ARHGEF12: variants seen among roughly 807,000 people sequenced by gnomAD.
ARHGEF12 encodes the protein Rho guanine nucleotide exchange factor 12.
In ARHGEF12, 66 loss-of-function variants were observed where a neutral mutation model predicts 211.2. The ratio of observed to expected loss-of-function variants is 0.31; its 90% confidence interval spans 0.26 to 0.38. The LOEUF is 0.38. Ranked by LOEUF, ARHGEF12 falls within the 10% of genes least tolerant of loss-of-function variation. The pLI is 1.00. For missense variants in ARHGEF12, 1,429 were observed against 1,869.5 expected, an observed-to-expected ratio of 0.76 and a Z score of 4.34; for synonymous variants, 592 against 638.4, an observed-to-expected ratio of 0.93 and a Z score of 1.09.
intron 38 of ARHGEF12, 134 bp from the exon 39 acceptor site, chr11:120,481,126 G>A: frequency 1.2e-6 from 1 of 800,734 alleles, no homozygotes; most frequent in African/African-American, 1.7e-5. Flanking sequence ...TGATGTACCT[G>A]AAACTAAACT....
At chr11:120,371,642 G>A (rs893874774) in intron 1 of ARHGEF12, among the ~76,000 whole-genome samples, 2 of 152,170 alleles carry the variant, frequency 1.3e-5, no homozygotes, top group Admixed American at 1.3e-4. Context: ...AGTTAAAGAT[G>A]TTAAAAATAG....
intron 22 of ARHGEF12, among the ~76,000 whole-genome samples, chr11:120,456,515 A>G (rs1318946207): frequency 6.6e-6 from 1 of 152,228 alleles, no homozygotes; most frequent in Non-Finnish European, 1.5e-5. Context: ...AAGATAATAA[A>G]TCATGAAAAA....
intron 1 of ARHGEF12, among the ~76,000 whole-genome samples, chr11:120,382,737 T>A (rs887848376): frequency 2.0e-5 from 3 of 152,214 alleles, no homozygotes; most frequent in East Asian, 1.9e-4. Context: ...GAGCACCTTT[T>A]TATATGTGCA....
intron 1 of ARHGEF12, among the ~76,000 whole-genome samples, chr11:120,399,144 G>C (rs993143482): frequency 6.6e-6 from 1 of 151,092 alleles, no homozygotes; most frequent in African/African-American, 2.4e-5. Context: ...GCAAGACCTG[G>C]TCTCTACAAA....
intron 21 of ARHGEF12, 75 bp downstream of exon 21, chr11:120,449,289 T>G: frequency 8.3e-7 from 1 of 1,197,732 alleles, no homozygotes; most frequent in Non-Finnish European, 1.2e-6. Context: ...TCAGCTAGAA[T>G]GAATTTCTGG....
intron 20 of ARHGEF12, 45 bp downstream of exon 20, chr11:120,448,393 C>T: frequency 2.0e-6 from 3 of 1,472,914 alleles, no homozygotes; most frequent in African/African-American, 1.4e-5. Flanking sequence ...CTTAGGGCTT[C>T]TTTACATTTG....
intron 1 of ARHGEF12, among the ~76,000 whole-genome samples, chr11:120,389,119 C>T (rs1944131365): frequency 6.6e-6 from 1 of 152,154 alleles, no homozygotes; most frequent in Non-Finnish European, 1.5e-5. Flanking sequence ...AATCTGCCTG[C>T]CTCAGCCTCC....
chr11:120,475,600 A>C (rs1947005203), intron 33 of ARHGEF12, 93 bp downstream of exon 33: 7 of 1,304,016 alleles, frequency 5.4e-6, no homozygotes. Context: ...AGTGGCATAG[A>C]GTCTTGCTAT....
At chr11:120,468,414 A>T (rs1023997715) in intron 29 of ARHGEF12, among the ~76,000 whole-genome samples, 6 of 152,194 alleles carry the variant, frequency 3.9e-5, no homozygotes, top group Non-Finnish European at 8.8e-5. Context: ...TATAGACATG[A>T]CATAGCCTCA....
chr11:120,414,088 A>G (rs1391513050), intron 4 of ARHGEF12, among the ~76,000 whole-genome samples: 2 of 152,184 alleles, frequency 1.3e-5, no homozygotes, highest in Non-Finnish European at 2.9e-5. Context: ...TAAGTGCCAC[A>G]TTGTAATAAC....
intron 12 of ARHGEF12, chr11:120,438,782 C>T (rs1014190022): frequency 1.3e-5 from 2 of 152,168 alleles, no homozygotes; most frequent in African/African-American, 4.8e-5. Flanking sequence ...TTCCCCAATC[C>T]TATATGGTCT....
intron 1 of ARHGEF12, among the ~76,000 whole-genome samples, chr11:120,402,602 A>T (rs1450251419): frequency 2.0e-5 from 3 of 152,168 alleles, no homozygotes; most frequent in Non-Finnish European, 4.4e-5. Flanking sequence ...ATTCCTTATT[A>T]AGAAGAACCA....
intron 4 of ARHGEF12, chr11:120,411,581 CTTTTTTTTTTTTTTT>C (rs56970429): frequency 2.5e-5 from 1 of 40,678 alleles, no homozygotes; most frequent in Admixed American, 3.8e-4. Context: ...ACTTTCTTGG[CTTTTTTTTTTTTTTT>C]TTTTTTTTTT....
chr11:120,471,868 T>TACAG, intron 30 of ARHGEF12, among the ~76,000 whole-genome samples: 1 of 152,326 alleles, frequency 6.6e-6, no homozygotes, highest in Non-Finnish European at 1.5e-5. Context: ...GTACATACCC[T>TACAG]TTGATCCAAC....
intron 1 of ARHGEF12, chr11:120,385,486 G>A: frequency 1.0e-6 from 1 of 985,316 alleles, no homozygotes; most frequent in Non-Finnish European, 1.2e-6. Flanking sequence ...CGGTGATCCA[G>A]GTAATCTACT....
At chr11:120,459,346 G>T (rs1042646199) in intron 26 of ARHGEF12, 26 bp downstream of exon 26, 1 of 1,596,506 alleles carries the variant, frequency 6.3e-7, no homozygotes, top group Non-Finnish European at 8.5e-7. Flanking sequence ...TCTGATCTTT[G>T]CCCCTAACAT....
chr11:120,387,910 C>T (rs1944088772), intron 1 of ARHGEF12, among the ~76,000 whole-genome samples: 2 of 152,154 alleles, frequency 1.3e-5, no homozygotes, highest in South Asian at 4.2e-4. Flanking sequence ...CATTAGGCTT[C>T]TTGAGAGTTT....
intron 1 of ARHGEF12, among the ~76,000 whole-genome samples, chr11:120,342,830 A>G (rs992308525): frequency 2.6e-5 from 4 of 152,236 alleles, no homozygotes; most frequent in South Asian, 2.1e-4. Context: ...TATCAATTCT[A>G]TGACAAAAGG....
chr11:120,470,416 G>A (rs894574300), intron 30 of ARHGEF12, among the ~76,000 whole-genome samples: 2 of 152,192 alleles, frequency 1.3e-5, no homozygotes, highest in African/African-American at 4.8e-5. Context: ...CAGGTTTCTG[G>A]ATTGCATATT....
Sources: allele counts gnomAD v4.1 joint callset (sites outside exome capture counted in the v4.1 genomes callset), GRCh38; gene constraint gnomAD v4.1.1; transcripts MANE v1.5; gene names NCBI Gene and HGNC (gene_info 2026-07-23, HGNC 2026-07-21).